Variants in SPAG16 observed in about 807,000 individuals in gnomAD.
The protein encoded by SPAG16 is sperm-associated antigen 16 protein.
Under a neutral mutation model 80.4 loss-of-function variants are expected in SPAG16, and 86 were observed. The observed-to-expected ratio is 1.07, with a 90% CI of 0.90 to 1.28. SPAG16 has a LOEUF of 1.28. Among genes scored for constraint, SPAG16 ranks in the 50% most tolerant of loss-of-function variants. SPAG16 has a pLI of 0.00. For missense variants in SPAG16, 870 were observed against 765.3 expected, an observed-to-expected ratio of 1.14 and a Z score of -1.61; for synonymous variants, 294 against 265.9, an observed-to-expected ratio of 1.11 and a Z score of -1.03.
chr2:214,197,742 T>C (rs982958437), intron 15 of SPAG16, among the ~76,000 whole-genome samples: 1 of 152,048 alleles, frequency 6.6e-6, no homozygotes, highest in South Asian at 2.1e-4. Context: ...TTGTAATGTA[T>C]GTGATAGCTA....
At chr2:214,367,568 T>C (rs1306455008) in intron 15 of SPAG16, among the ~76,000 whole-genome samples, 2 of 152,192 alleles carry the variant, frequency 1.3e-5, no homozygotes, top group Admixed American at 6.6e-5. Context: ...GAAGTAGCAG[T>C]TCTACAGGGA....
intron 11 of SPAG16, among the ~76,000 whole-genome samples, chr2:213,905,015 C>A (rs762652851): frequency 2.2e-4 from 34 of 152,094 alleles, no homozygotes; most frequent in Middle Eastern, 3.4e-3. Context: ...TTATAGAAAG[C>A]AAAAGCATTA....
chr2:214,314,237 C>G (rs1457993086), intron 15 of SPAG16, among the ~76,000 whole-genome samples: 1 of 152,138 alleles, frequency 6.6e-6, no homozygotes, highest in African/African-American at 2.4e-5. Flanking sequence ...TTTTCACATA[C>G]TTAACATATT....
intron 15 of SPAG16, among the ~76,000 whole-genome samples, chr2:214,378,012 T>A (rs1559255593): frequency 6.6e-6 from 1 of 152,072 alleles, no homozygotes; most frequent in East Asian, 1.9e-4. Flanking sequence ...GGCAACAGTA[T>A]CAGAGCCGAG....
chr2:213,927,501 C>A (rs1455664355), intron 11 of SPAG16, among the ~76,000 whole-genome samples: 1 of 151,992 alleles, frequency 6.6e-6, no homozygotes, highest in Non-Finnish European at 1.5e-5. Flanking sequence ...ATATTTCAGG[C>A]CATGTTTTTG....
chr2:213,622,966 G>A (rs1468730630), intron 10 of SPAG16, among the ~76,000 whole-genome samples: 1 of 152,176 alleles, frequency 6.6e-6, no homozygotes, highest in East Asian at 1.9e-4. Flanking sequence ...GAGTGTGTGT[G>A]AAGAGTAACG....
At chr2:213,626,196 A>T (rs1559321927) in intron 10 of SPAG16, among the ~76,000 whole-genome samples, 2 of 152,198 alleles carry the variant, frequency 1.3e-5, no homozygotes. Context: ...AAACCAGAAG[A>T]TTCTGAAAAT....
chr2:213,951,294 CATA>C (rs2079764863), intron 12 of SPAG16, among the ~76,000 whole-genome samples: 1 of 152,000 alleles, frequency 6.6e-6, no homozygotes, highest in Admixed American at 6.5e-5. Context: ...ATTTGGTTGT[CATA>C]ATGATACAAA....
chr2:214,072,282 A>C (rs1273896091), intron 13 of SPAG16, among the ~76,000 whole-genome samples: 1 of 152,144 alleles, frequency 6.6e-6, no homozygotes, highest in Admixed American at 6.5e-5. Flanking sequence ...ATAAAGTAGA[A>C]ATATCTAATT....
At chr2:213,763,593 A>G (rs938314433) in intron 10 of SPAG16, among the ~76,000 whole-genome samples, 1 of 152,298 alleles carries the variant, frequency 6.6e-6, no homozygotes, top group Middle Eastern at 3.4e-3. Flanking sequence ...TATTTGCTTT[A>G]CAACAATGTG....
chr2:213,301,745 A>ACCGCG (rs1242891471), intron 3 of SPAG16, among the ~76,000 whole-genome samples: 1 of 151,890 alleles, frequency 6.6e-6, no homozygotes, highest in Non-Finnish European at 1.5e-5. Context: ...CTACCCTTCC[A>ACCGCG]CCTGCCTTTG....
intron 10 of SPAG16, among the ~76,000 whole-genome samples, chr2:213,646,489 T>C (rs559359807): frequency 5.9e-5 from 9 of 152,220 alleles, no homozygotes; most frequent in Non-Finnish European, 7.3e-5. Context: ...AGGAATTATA[T>C]ATTGCTAGTA....
At chr2:213,831,879 A>T (rs2073680391) in intron 10 of SPAG16, among the ~76,000 whole-genome samples, 2 of 152,134 alleles carry the variant, frequency 1.3e-5, no homozygotes, top group African/African-American at 4.8e-5. Context: ...AGGTTTTATA[A>T]TTTGCTCACT....
intron 15 of SPAG16, among the ~76,000 whole-genome samples, chr2:214,382,082 C>A (rs745419127): frequency 5.9e-5 from 9 of 152,198 alleles, no homozygotes; most frequent in Non-Finnish European, 1.3e-4. Flanking sequence ...TTTGCAGCAA[C>A]AGAATCATTG....
chr2:214,381,740 G>A (rs1426270399), intron 15 of SPAG16, among the ~76,000 whole-genome samples: 3 of 152,160 alleles, frequency 2.0e-5, no homozygotes, highest in East Asian at 1.9e-4. Flanking sequence ...CCAATTCAAA[G>A]TAGTAGTCAA....
At chr2:213,519,516 T>C (rs2075578106) in intron 10 of SPAG16, among the ~76,000 whole-genome samples, 1 of 152,228 alleles carries the variant, frequency 6.6e-6, no homozygotes. Flanking sequence ...CCACATAAGA[T>C]GTGACTTGCT....
chr2:213,878,234 T>C (rs190130092), intron 11 of SPAG16, among the ~76,000 whole-genome samples: 6 of 149,658 alleles, frequency 4.0e-5, no homozygotes, highest in Admixed American at 3.4e-4. Flanking sequence ...GTTCTATTTT[T>C]AGTTCTCTGA....
At chr2:214,290,367 A>G (rs907967383) in intron 15 of SPAG16, among the ~76,000 whole-genome samples, 4 of 150,586 alleles carry the variant, frequency 2.7e-5, no homozygotes, top group South Asian at 2.1e-4. Context: ...TTGAATCTCT[A>G]TGTCATTGAG....
intron 11 of SPAG16, among the ~76,000 whole-genome samples, chr2:213,892,498 T>A (rs2076821337): frequency 6.6e-6 from 1 of 152,178 alleles, no homozygotes; most frequent in African/African-American, 2.4e-5. Flanking sequence ...GATGGCAATA[T>A]GTGAGCTCTC....
Sources: gnomAD v4.1 joint callset for allele counts (sites outside exome capture counted in the v4.1 genomes callset) on GRCh38, gnomAD v4.1.1 for gene constraint, MANE v1.5 for transcripts, NCBI Gene and HGNC (gene_info 2026-07-23, HGNC 2026-07-21) for gene names.